The following GPHN variants were observed in gnomAD, a reference collection of about 807,000 sequenced individuals.
The protein encoded by GPHN is gephyrin.
GPHN carries 17 observed loss-of-function variants against 95.5 expected under a neutral mutation model. The observed-to-expected ratio is 0.18, with a 90% CI of 0.12 to 0.27. The LOEUF (loss-of-function observed/expected upper bound fraction) is 0.27. GPHN is among the 10% of genes least tolerant of loss of function. The pLI is 1.00. For missense variants in GPHN, 660 were observed against 978.1 expected (o/e 0.67, Z 4.34); for synonymous variants, 320 against 322.5 (o/e 0.99, Z 0.08).
At chr14:66,577,614 A>G (rs1488492395) in intron 1 of GPHN, among the ~76,000 whole-genome samples, 1 of 152,172 alleles carries the variant, frequency 6.6e-6, no homozygotes, top group Non-Finnish European at 1.5e-5. Flanking sequence ...GAAAATGAAT[A>G]CATATGCAAT....
intron 1 of GPHN, among the ~76,000 whole-genome samples, chr14:66,564,372 T>A (rs1388345202): frequency 2.0e-5 from 3 of 152,050 alleles, no homozygotes; most frequent in Non-Finnish European, 2.9e-5. Context: ...AATAAAAAAA[T>A]TTTATAAATT....
intron 2 of GPHN, among the ~76,000 whole-genome samples, chr14:66,742,884 C>A (rs552971824): frequency 1.3e-5 from 2 of 152,324 alleles, no homozygotes; most frequent in East Asian, 3.9e-4. Context: ...GCCTCAGCCT[C>A]CCGAGTAGTT....
At chr14:66,812,210 C>T (rs2060792338) in intron 3 of GPHN, among the ~76,000 whole-genome samples, 1 of 152,160 alleles carries the variant, frequency 6.6e-6, no homozygotes, top group African/African-American at 2.4e-5. Context: ...GGGTAGACTA[C>T]AAACAGCACA....
At chr14:66,934,294 G>T (rs1342099402) in intron 8 of GPHN, among the ~76,000 whole-genome samples, 1 of 152,076 alleles carries the variant, frequency 6.6e-6, no homozygotes, top group South Asian at 2.1e-4. Context: ...TGAGCTCATT[G>T]CTACTTATTG....
chr14:66,516,271 G>A (rs2058243651), intron 1 of GPHN, among the ~76,000 whole-genome samples: 1 of 151,400 alleles, frequency 6.6e-6, no homozygotes, highest in South Asian at 2.1e-4. Flanking sequence ...ACCTGCCTTA[G>A]CCTCCCAAAG....
intron 2 of GPHN, among the ~76,000 whole-genome samples, chr14:66,713,624 T>C (rs1396824915): frequency 6.6e-6 from 1 of 152,170 alleles, no homozygotes; most frequent in African/African-American, 2.4e-5. Context: ...GGCTCTTTTT[T>C]GGTTTCATAT....
intron 1 of GPHN, among the ~76,000 whole-genome samples, chr14:66,614,578 C>CT (rs58001259): frequency 0.27 from 36,873 of 137,948 alleles, 8,661 homozygotes; most frequent in African/African-American, 0.61. Context: ...AAAACTTTAG[C>CT]TTTTTTTTTT....
the GPHN span, chr14:67,729,079 G>A: frequency 2.8e-6 from 3 of 1,082,952 alleles, no homozygotes; most frequent in South Asian, 3.7e-5. Context: ...TGAATCCTGG[G>A]GTTATGTTTC....
the GPHN span, chr14:67,621,061 T>C: frequency 8.3e-7 from 1 of 1,208,992 alleles, no homozygotes; most frequent in African/African-American, 1.5e-5. Flanking sequence ...AGCTTTGTGT[T>C]TGGGAACAGT....
At chr14:67,475,161 C>T in the GPHN span, among the ~76,000 whole-genome samples, 1 of 152,198 alleles carries the variant, frequency 6.6e-6, no homozygotes, top group Middle Eastern at 3.2e-3. Context: ...GTGATCCGCC[C>T]GCCTTGGCCT....
At chr14:67,321,664 G>C in the GPHN span, among the ~76,000 whole-genome samples, 3 of 152,086 alleles carry the variant, frequency 2.0e-5, no homozygotes, top group Non-Finnish European at 2.9e-5. Flanking sequence ...TGGGGATATT[G>C]AATAAACTGT....
At chr14:67,699,589 C>CAAAAAAAAAAAAAAAAA in the GPHN span, among the ~76,000 whole-genome samples, 3 of 50,802 alleles carry the variant, frequency 5.9e-5, no homozygotes, top group African/African-American at 2.4e-4. Flanking sequence ...GACCCTATCT[C>CAAAAAAAAAAAAAAAAA]AAAAAAAAAA....
the GPHN span, among the ~76,000 whole-genome samples, chr14:67,550,499 T>C: frequency 6.6e-6 from 1 of 152,224 alleles, no homozygotes; most frequent in Non-Finnish European, 1.5e-5. Flanking sequence ...AAAACAATTG[T>C]CTTTGATAAC....
chr14:67,463,187 G>A, the GPHN span, among the ~76,000 whole-genome samples: 2 of 152,330 alleles, frequency 1.3e-5, no homozygotes, highest in Non-Finnish European at 1.5e-5. Flanking sequence ...GGGAGGCCGA[G>A]GTGGGAGGAT....
the GPHN span, among the ~76,000 whole-genome samples, chr14:67,635,987 G>A: frequency 6.6e-6 from 1 of 152,146 alleles, no homozygotes; most frequent in African/African-American, 2.4e-5. Context: ...AGGATGCAGA[G>A]TCTTTGTTTT....
chr14:67,714,053 G>A, the GPHN span, among the ~76,000 whole-genome samples: 1 of 152,100 alleles, frequency 6.6e-6, no homozygotes, highest in East Asian at 1.9e-4. Context: ...GTGATTTTGG[G>A]GGCCCAAAAT....
intron 12 of GPHN, 56 bp downstream of exon 12, chr14:67,089,131 T>TTA: frequency 1.9e-5 from 9 of 469,628 alleles, no homozygotes; most frequent in Admixed American, 6.0e-5. Context: ...TTTTCTTTTT[T>TTA]TCTTTTTTTT....
At chr14:67,467,819 T>G in the GPHN span, 1 of 152,176 alleles carries the variant, frequency 6.6e-6, no homozygotes, top group East Asian at 1.9e-4. Flanking sequence ...GGTGGCCGAC[T>G]CTTTGCCAAC....
chr14:67,443,268 A>C, the GPHN span, among the ~76,000 whole-genome samples: 1 of 152,094 alleles, frequency 6.6e-6, no homozygotes, highest in Non-Finnish European at 1.5e-5. Flanking sequence ...TGTGACCCCC[A>C]AATTACAAAT....
Sources: gnomAD v4.1 joint callset for allele counts (sites outside exome capture counted in the v4.1 genomes callset) on GRCh38, gnomAD v4.1.1 for gene constraint, MANE v1.5 for transcripts, NCBI Gene and HGNC (gene_info 2026-07-23, HGNC 2026-07-21) for gene names.